GOLGA4: variants seen among roughly 807,000 people sequenced by gnomAD.
GOLGA4 encodes the protein golgin subfamily A member 4.
Under a neutral mutation model 265.9 loss-of-function variants are expected in GOLGA4, and 169 were observed. The ratio of observed to expected loss-of-function variants is 0.64; its 90% confidence interval spans 0.56 to 0.72. GOLGA4 has a LOEUF of 0.72. Ranked by LOEUF, GOLGA4 falls within the 30% of genes least tolerant of loss-of-function variation. The pLI is 0.00. For missense variants in GOLGA4, 2,482 were observed against 2,483.4 expected (o/e 1.00, Z 0.01); for synonymous variants, 923 against 855.8 (o/e 1.08, Z -1.37).
intron 10 of GOLGA4, among the ~76,000 whole-genome samples, chr3:37,313,203 A>C (rs985170370): frequency 6.6e-6 from 1 of 152,164 alleles, no homozygotes; most frequent in Admixed American, 6.5e-5. Flanking sequence ...ACTCCATCTC[A>C]AAAGAAAAAA....
At chr3:37,248,894 A>G (rs1171503660) in intron 1 of GOLGA4, among the ~76,000 whole-genome samples, 5 of 152,190 alleles carry the variant, frequency 3.3e-5, no homozygotes, top group Non-Finnish European at 7.3e-5. Context: ...GCATCTGGAT[A>G]TTTGGAAAGC....
At chr3:37,336,991 C>A in intron 17 of GOLGA4, 152 bp from the exon 18 acceptor site, 1 of 609,740 alleles carries the variant, frequency 1.6e-6, no homozygotes. Flanking sequence ...TTTAGAAGCA[C>A]ATATTTAAAG....
intron 3 of GOLGA4, 120 bp downstream of exon 3, chr3:37,282,392 T>C (rs1197158723): frequency 7.0e-6 from 5 of 711,576 alleles, no homozygotes; most frequent in South Asian, 3.6e-5. Flanking sequence ...TATATCCTGG[T>C]TACTAATGGT....
intron 13 of GOLGA4, among the ~76,000 whole-genome samples, chr3:37,323,123 T>C (rs1307410845): frequency 1.8e-5 from 2 of 108,216 alleles, no homozygotes; most frequent in Admixed American, 1.7e-4. Flanking sequence ...TGTCTTTTTT[T>C]TTTTTTTTTT....
rs750405134 is a variant in GOLGA4, at chr3:37,323,720, C to T, written c.1834C>T (p.His612Tyr). 4.3e-6 allele frequency: 7 copies of T among 1,613,730 alleles called. No individual in the cohort carries two copies. The highest frequency in any genetic ancestry group is 4.2e-6 in the Non-Finnish European group (5 of 1,179,910). The change falls in exon 14 of 24, where the codon CAC becomes TAC. Residue 612 changes from histidine to tyrosine, a missense_variant. Coordinates refer to ENST00000361924, the MANE Select transcript of GOLGA4 (RefSeq NM_002078.5). Reference protein sequence around the residue: ...NKEITVMVEKHKTELESLKHQ... With the variant: ...NKEITVMVEKYKTELESLKHQ... ...GGAGATTACAGTCATGGTTGAAAAA[C>T]ACAAGACAGAATTGGAAAGCCTTAA... is the stretch of plus-strand genomic sequence containing the variant.
chr3:37,326,335 A>G lies in GOLGA4; in HGVS notation c.4449A>G (p.Leu1483=). 1 of 1,612,032 alleles carries G rather than the reference A, an allele frequency of 6.2e-7. No individual in the cohort carries two copies. Among genetic ancestry groups the G allele is most frequent in the Non-Finnish European group, 8.5e-7 (1 of 1,179,340 alleles). ...ATGAAAAGGATGAGCAGATAAATTT[A>G]TTGAAGGAAGAGCTTGATCAGCAAA... ...EAYEKDEQIN[L]LKEELDQQNK... Residue 1483 remains leucine, a synonymous_variant, in exon 14 of 24, where the codon TTA becomes TTG. Coordinates refer to ENST00000361924, the MANE Select transcript of GOLGA4 (RefSeq NM_002078.5).
chr3:37,252,554 G>A (rs1211744721), intron 2 of GOLGA4, among the ~76,000 whole-genome samples: 1 of 152,064 alleles, frequency 6.6e-6, no homozygotes, highest in East Asian at 1.9e-4. Context: ...TTTCCAGAGT[G>A]GTTGTAGAAA....
chr3:37,245,492 CTAGTT>C (rs2096716713), intron 1 of GOLGA4: 2 of 152,150 alleles, frequency 1.3e-5, no homozygotes, highest in African/African-American at 4.8e-5. Flanking sequence ...CATAGTAAAA[CTAGTT>C]TAAGAAGAAT....
At chr3:37,343,253 C>G (rs931060823) in intron 20 of GOLGA4, among the ~76,000 whole-genome samples, 1 of 152,240 alleles carries the variant, frequency 6.6e-6, no homozygotes, top group Admixed American at 6.5e-5. Context: ...TCCCGAGTAG[C>G]TGGGATTATA....
chr3:37,317,181 C>A (rs1019680757), intron 11 of GOLGA4, among the ~76,000 whole-genome samples: 16 of 151,476 alleles, frequency 1.1e-4, no homozygotes, highest in African/African-American at 3.4e-4. Flanking sequence ...CTTTTTCTTT[C>A]TTTTTTTGAG....
rs1372891921 is a variant in GOLGA4 at position 37,282,016 on chromosome 3, C to G, written c.221C>G (p.Ser74Cys). 1 of 1,614,116 alleles carries G rather than the reference C, an allele frequency of 6.2e-7. No individual in the cohort carries two copies. Among genetic ancestry groups the G allele is most frequent in the East Asian group, 2.2e-5 (1 of 44,880 alleles). Residue 74 changes from serine (S) to cysteine (C), a missense_variant, in exon 3 of 24, where the codon TCT (serine) becomes TGT (cysteine). Around this residue, in one of 3 missense-constraint regions of GOLGA4, gnomAD observed 1,536 missense variants for 1,483.7 expected, o/e 1.04. Coordinates refer to ENST00000361924, the MANE Select transcript of GOLGA4 (RefSeq NM_002078.5). ...KLQLRVPSVE[S>C]LFRSPIKESL... ...CAGCTCCGGGTGCCCTCCGTGGAGT[C>G]TTTGTTTCGAAGTCCGATAAAGGAA...
In GOLGA4 at chr3:37,325,654, T is replaced by G; in HGVS notation, c.3768T>G (p.Arg1256=). ...CTAGGATTTCTCATTGTCAGCACCG[T>G]ACAACTAAAGTTAAGGAGGCACTGT... ...ILSRISHCQH[R]TTKVKEALLI... Residue 1256 remains arginine (R), a synonymous_variant, in exon 14 of 24, where the codon CGT becomes CGG. Coordinates refer to ENST00000361924, the MANE Select transcript of GOLGA4 (RefSeq NM_002078.5). The G allele has an allele frequency of 5.6e-6, 9 of 1,613,914 alleles. No individual in the cohort carries two copies. Among genetic ancestry groups the G allele is most frequent in the Non-Finnish European group, 7.6e-6 (9 of 1,179,798 alleles).
chr3:37,322,556 C>G (rs2096958001), intron 13 of GOLGA4, among the ~76,000 whole-genome samples: 1 of 152,092 alleles, frequency 6.6e-6, no homozygotes, highest in African/African-American at 2.4e-5. Flanking sequence ...CTTAATTTTT[C>G]CATCACTAAC....
intron 2 of GOLGA4, among the ~76,000 whole-genome samples, chr3:37,264,717 A>T (rs1298013546): frequency 2.6e-5 from 4 of 151,802 alleles, no homozygotes; most frequent in Non-Finnish European, 4.4e-5. Flanking sequence ...TGTTTCAAAA[A>T]TTTTTTTTGG....
chr3:37,304,313 T>C (rs572760285), intron 10 of GOLGA4, among the ~76,000 whole-genome samples: 1 of 152,346 alleles, frequency 6.6e-6, no homozygotes, highest in South Asian at 2.1e-4. Flanking sequence ...TAGTTGACTA[T>C]TTCATAAGTA....
At chr3:37,268,611 A>G (rs1409401174) in intron 2 of GOLGA4, among the ~76,000 whole-genome samples, 1 of 151,612 alleles carries the variant, frequency 6.6e-6, no homozygotes, top group Non-Finnish European at 1.5e-5. Context: ...TTCTTTTGAT[A>G]CCCAGGCTGG....
intron 2 of GOLGA4, among the ~76,000 whole-genome samples, chr3:37,279,722 C>T (rs181464943): frequency 2.0e-5 from 3 of 152,162 alleles, no homozygotes; most frequent in African/African-American, 7.2e-5. Flanking sequence ...GCCGGGCCAA[C>T]GTGGTGAAAT....
At chr3:37,364,466 T>C (rs985374036) in intron 23 of GOLGA4, among the ~76,000 whole-genome samples, 3 of 152,106 alleles carry the variant, frequency 2.0e-5, no homozygotes, top group Admixed American at 1.3e-4. Flanking sequence ...GGTCTCGAAC[T>C]CCTGACCTCA....
chr3:37,280,670 ATTGT>A (rs1377726952), intron 2 of GOLGA4, among the ~76,000 whole-genome samples: 1 of 152,084 alleles, frequency 6.6e-6, no homozygotes, highest in East Asian at 1.9e-4. Context: ...TCCATATGTT[ATTGT>A]TTATTTTTAA....
Sources: allele counts gnomAD v4.1 joint callset (sites outside exome capture counted in the v4.1 genomes callset), GRCh38; gene constraint gnomAD v4.1.1; regional missense constraint gnomAD v4.1.1; transcripts MANE v1.5; gene names NCBI Gene and HGNC (gene_info 2026-07-23, HGNC 2026-07-21).